CRKL: variants seen among roughly 807,000 people sequenced by gnomAD.
The protein encoded by CRKL is CRK like proto-oncogene, adaptor protein, also known as crk-like protein.
CRKL carries 3 observed loss-of-function variants against 23.0 expected under a neutral mutation model. The ratio of observed to expected loss-of-function variants is 0.13; its 90% CI spans 0.06 to 0.34. CRKL has a LOEUF of 0.34. Among genes scored for constraint, CRKL ranks in the 10% least tolerant of loss-of-function variants. The probability of loss-of-function intolerance (pLI) is 1.00; values close to 1 mark genes in which losing one functional copy is unlikely to be tolerated. For synonymous variants in CRKL, 188 were observed against 160.7 expected (o/e 1.17, Z -1.28); for missense variants, 256 against 394.5 (o/e 0.65, Z 2.97).
At chr22:20,924,592 C>T (rs548126133) in intron 1 of CRKL, among the ~76,000 whole-genome samples, 11 of 152,140 alleles carry the variant, frequency 7.2e-5, no homozygotes, top group South Asian at 4.1e-4. Context: ...CAGTGGCTCA[C>T]GCCTGTAATC....
At chr22:20,933,342 C>T (rs1379668191) in intron 1 of CRKL, among the ~76,000 whole-genome samples, 2 of 151,520 alleles carry the variant, frequency 1.3e-5, no homozygotes, top group Non-Finnish European at 2.9e-5. Flanking sequence ...TGCACTCCAG[C>T]CTGGGCAACA....
intron 2 of CRKL, among the ~76,000 whole-genome samples, chr22:20,947,013 G>T (rs1053515662): frequency 2.0e-5 from 3 of 152,150 alleles, no homozygotes; most frequent in African/African-American, 7.2e-5. Flanking sequence ...AATGATGATG[G>T]TGTTTTAGCA....
At chr22:20,929,133 C>T (rs1370839552) in intron 1 of CRKL, among the ~76,000 whole-genome samples, 1 of 152,022 alleles carries the variant, frequency 6.6e-6, no homozygotes, top group Non-Finnish European at 1.5e-5. Context: ...TTTGGATGGG[C>T]TTGAAAACCC....
chr22:20,926,613 A>G (rs930458867), intron 1 of CRKL, among the ~76,000 whole-genome samples: 2 of 152,144 alleles, frequency 1.3e-5, no homozygotes, highest in Non-Finnish European at 2.9e-5. Context: ...AAGAGAGGTA[A>G]GGGCTGAATA....
chr22:20,919,258 A>T (rs550045146), intron 1 of CRKL, among the ~76,000 whole-genome samples: 13 of 152,168 alleles, frequency 8.5e-5, no homozygotes, highest in Admixed American at 4.6e-4. Context: ...CAGCGAGGAT[A>T]TTTTTTGGAA....
chr22:20,947,396 G>A (rs749397940), intron 2 of CRKL, among the ~76,000 whole-genome samples: 49 of 149,238 alleles, frequency 3.3e-4, no homozygotes, highest in Non-Finnish European at 6.2e-4. Context: ...GCAGTGACAC[G>A]ATTTTGGCTC....
chr22:20,927,136 AGAAT>A lies in CRKL; in HGVS notation c.312-6641_312-6638del, dbSNP rs1460805951. ...CAAAAAAAAAAAAAAAAAAAAAAAAAGAATGGTGGTTAAAGCAGTTTCACTAGAG... is the reference window on the plus strand; with the variant it reads ...CAAAAAAAAAAAAAAAAAAAAAAAAAGGTGGTTAAAGCAGTTTCACTAGAG... On this transcript the variant is annotated intron_variant, in intron 1 of 2. Transcript: ENST00000354336. Among the ~76,000 whole-genome samples the A allele has an allele frequency of 1.0e-4, 14 of 139,894 alleles. 1 individual carries two copies. The highest frequency in any genetic ancestry group is 2.9e-4 in the African/African-American group (11 of 37,948). 91.8% of individuals were successfully genotyped at this position (139,894 alleles called of 152,430 possible).
intron 1 of CRKL, among the ~76,000 whole-genome samples, chr22:20,923,617 C>G (rs966954253): frequency 2.1e-5 from 3 of 140,222 alleles, no homozygotes; most frequent in Non-Finnish European, 3.0e-5. Flanking sequence ...GCTCTGTTGC[C>G]AGGCTGGAGT....
At chr22:20,930,205 A>G (rs1318118338) in intron 1 of CRKL, among the ~76,000 whole-genome samples, 3 of 152,166 alleles carry the variant, frequency 2.0e-5, no homozygotes, top group Admixed American at 1.3e-4. Flanking sequence ...TGAAAAGCAC[A>G]CTTTGCCTCC....
chr22:20,919,092 A>G (rs932991449), intron 1 of CRKL, among the ~76,000 whole-genome samples: 2 of 151,890 alleles, frequency 1.3e-5, no homozygotes, highest in East Asian at 3.9e-4. Flanking sequence ...GGAACAGTCA[A>G]AAAAATGAAA....
At chr22:20,936,383 T>C (rs1422710932) in intron 2 of CRKL, among the ~76,000 whole-genome samples, 1 of 152,184 alleles carries the variant, frequency 6.6e-6, no homozygotes, top group Non-Finnish European at 1.5e-5. Context: ...AGTTTCGCTC[T>C]TGTTGCCCAG....
At position 20,949,731 on chromosome 22, in the gene CRKL, C is replaced by G. The variant is rs748252280; in HGVS notation, c.798C>G (p.Val266=). 1 of 1,613,034 alleles carries G rather than the reference C, an allele frequency of 6.2e-7. No homozygotes were observed. The highest frequency in any genetic ancestry group is 2.2e-5 in the East Asian group (1 of 44,798). The part of the protein sequence containing the change: ...LALEVGDIVK[V]TRMNINGQWE... Reference sequence around the variant, plus strand: ...TACAGGTTGGTGACATCGTGAAAGTCACAAGGATGAATATAAATGGCCAGT... The same window carrying G: ...TACAGGTTGGTGACATCGTGAAAGTGACAAGGATGAATATAAATGGCCAGT... The change falls in exon 3 of 3, where the codon GTC becomes GTG. Residue 266 remains valine (V), a synonymous_variant. Transcript: ENST00000354336.
intron 1 of CRKL, among the ~76,000 whole-genome samples, chr22:20,931,714 A>T (rs1365290084): frequency 6.6e-6 from 1 of 152,204 alleles, no homozygotes; most frequent in Non-Finnish European, 1.5e-5. Context: ...CTCTTCAAAG[A>T]TCGTAAACCA....
intron 2 of CRKL, among the ~76,000 whole-genome samples, chr22:20,947,670 TTTTTCA>T (rs1922115422): frequency 7.8e-6 from 1 of 127,462 alleles, no homozygotes; most frequent in African/African-American, 3.0e-5. Flanking sequence ...CTTTTTTCTT[TTTTTCA>T]TTTTTTTTTT....
intron 2 of CRKL, among the ~76,000 whole-genome samples, chr22:20,938,751 T>C (rs992273303): frequency 7.9e-5 from 12 of 152,220 alleles, no homozygotes; most frequent in African/African-American, 2.4e-4. Context: ...ATAGCAACTT[T>C]AGAATTGTAC....
chr22:20,950,482 C>T lies in CRKL; in HGVS notation c.*637C>T, dbSNP rs1036460553. On this transcript the variant is annotated 3_prime_UTR_variant, in exon 3 of 3. Transcript: ENST00000354336. ...AGGCTGGAGTGCAGTGGCGCAATCT[C>T]GCCTTCCTGCAGTCTCCGCCTCCTG... 5 of 230,994 alleles carry T rather than the reference C, an allele frequency of 2.2e-5. No homozygotes were observed. The highest frequency in any genetic ancestry group is 1.1e-4 in the African/African-American group (5 of 45,168). The allele number at this position is 230,994 out of a possible 1,614,324, so 14.3% of individuals were successfully genotyped here.
At chr22:20,920,425 C>G (rs1920979008) in intron 1 of CRKL, among the ~76,000 whole-genome samples, 1 of 151,942 alleles carries the variant, frequency 6.6e-6, no homozygotes, top group South Asian at 2.1e-4. Flanking sequence ...TCGCTCGAAC[C>G]CGGGAGGCGG....
At chr22:20,931,286 A>G (rs777303790) in intron 1 of CRKL, among the ~76,000 whole-genome samples, 8 of 152,170 alleles carry the variant, frequency 5.3e-5, no homozygotes, top group Non-Finnish European at 8.8e-5. Context: ...AACTGCCTGT[A>G]GTCCCAGCTA....
At chr22:20,935,020 T>C (rs551448217) in intron 2 of CRKL, among the ~76,000 whole-genome samples, 2 of 152,126 alleles carry the variant, frequency 1.3e-5, no homozygotes, top group Non-Finnish European at 2.9e-5. Context: ...TTCACCGTAT[T>C]AGCCAGGATG....
Sources: gnomAD v4.1 joint callset for allele counts (sites outside exome capture counted in the v4.1 genomes callset) on GRCh38, gnomAD v4.1.1 for gene constraint, MANE v1.5 for transcripts, NCBI Gene and HGNC (gene_info 2026-07-23, HGNC 2026-07-21) for gene names.